FLOT1: variants seen among roughly 807,000 people sequenced by gnomAD.
FLOT1 encodes the protein flotillin 1.
Under a neutral mutation model 58.4 loss-of-function variants are expected in FLOT1, and 40 were observed. That is an observed-to-expected ratio of 0.69 (90% CI 0.53 to 0.89). The LOEUF (loss-of-function observed/expected upper bound fraction) is 0.89, where lower values mean the gene tolerates loss of function less well. Ranked by LOEUF, FLOT1 falls within the 40% of genes least tolerant of loss-of-function variation. The pLI is 0.00. For missense variants in FLOT1, 423 were observed against 540.8 expected (o/e 0.78, Z 2.16); for synonymous variants, 178 against 204.2 (o/e 0.87, Z 1.09).
intron 8 of FLOT1, among the ~76,000 whole-genome samples, 163 bp from the exon 9 acceptor site, chr6:30,731,263 T>C (rs1050362537): frequency 2.6e-5 from 4 of 152,038 alleles, no homozygotes; most frequent in Non-Finnish European, 5.9e-5. Flanking sequence ...GGAGGGTGGA[T>C]TGCCTGAGTT....
At chr6:30,732,667 G>A (rs1267541694) in intron 8 of FLOT1, among the ~76,000 whole-genome samples, 1 of 151,978 alleles carries the variant, frequency 6.6e-6, no homozygotes, top group Non-Finnish European at 1.5e-5. Context: ...ACATGCCTTC[G>A]TTGTCCCATT....
chr6:30,730,439 T>C lies in FLOT1; in HGVS notation c.1078A>G (p.Lys360Glu). The change falls in exon 11 of 13, where the codon AAG becomes GAG. Residue 360 changes from lysine to glutamate, a missense_variant. This residue lies in a region of FLOT1 where 42 missense variants were observed against 74.4 expected (regional missense o/e 0.56). Coordinates refer to ENST00000376389, the MANE Select transcript of FLOT1 (RefSeq NM_005803.4). ...CATGACCTCCAGACCTGGGGCAGCT[T>C]CTCTAGCAGCATGTCCAGCTGAGCA... is the stretch of plus-strand genomic sequence containing the variant. ...EAAQLDMLLE[K>E]LPQVAEEISG... 2 of 1,572,148 alleles carry C rather than the reference T, an allele frequency of 1.3e-6. No individual in the cohort carries two copies. The highest frequency in any genetic ancestry group is 1.7e-6 in the Non-Finnish European group (2 of 1,157,172).
At position 30,741,111 on chromosome 6, in the gene FLOT1, G is replaced by A; in HGVS notation, c.354+79C>T. The A allele has an allele frequency of 6.6e-7, 1 of 1,526,650 alleles. No individual in the cohort carries two copies. Among genetic ancestry groups the A allele is most frequent in the Non-Finnish European group, 9.0e-7 (1 of 1,110,418 alleles). The allele number at this position is 1,526,650 out of a possible 1,614,324, so 94.6% of individuals were successfully genotyped here. ...CGGGATGTATGCTCTTGGATCCACT[G>A]TCTCTCACAGACTAGTGTGGGCCTT... is the stretch of plus-strand genomic sequence containing the variant. On this transcript the variant is annotated intron_variant, in intron 5 of 12. Coordinates refer to ENST00000376389, the MANE Select transcript of FLOT1 (RefSeq NM_005803.4). This position sits in a 1 kb window ranked among gnomAD's most constrained non-coding sequence, Gnocchi z 5.9.
In FLOT1 at chr6:30,736,829, G is replaced by A. The variant is rs376330210; in HGVS notation, c.723+3329C>T. Among the ~76,000 whole-genome samples, 48 of 151,984 alleles carry A rather than the reference G, an allele frequency of 3.2e-4. No individual in the cohort carries two copies. In the East Asian group the frequency reaches 5.7e-3, roughly 18 times the overall value. On this transcript the variant is annotated intron_variant, in intron 8 of 12. Coordinates refer to ENST00000376389, the MANE Select transcript of FLOT1 (RefSeq NM_005803.4). ...AGGATGGTCTCGATCTCCTGACCTC[G>A]TGATCTGCCCACCTCGGCCTCCCAA...
Position 30,741,145 on chromosome 6 carries a change from C to CTCA in FLOT1, c.354+42_354+44dup. ...AGACTAGTGTGGGCCTTGGGCCCCC[C>CTCA]TCATTTTGACATCCTTCCAGATGGT... On this transcript the variant is annotated intron_variant, in intron 5 of 12. Coordinates refer to ENST00000376389, the MANE Select transcript of FLOT1 (RefSeq NM_005803.4). This position sits in a 1 kb window ranked among gnomAD's most constrained non-coding sequence, Gnocchi z 5.9. The CTCA allele has an allele frequency of 6.2e-7, 1 of 1,606,916 alleles. No individual in the cohort carries two copies. The highest frequency in any genetic ancestry group is 2.2e-5 in the East Asian group (1 of 44,844).
intron 8 of FLOT1, among the ~76,000 whole-genome samples, chr6:30,731,747 A>AT (rs1777221040): frequency 6.6e-6 from 1 of 152,112 alleles, no homozygotes; most frequent in South Asian, 2.1e-4. Context: ...TAGCTGACTT[A>AT]TTTTTTGTGG....
intron 12 of FLOT1, among the ~76,000 whole-genome samples, chr6:30,728,618 C>T (rs745674619): frequency 1.3e-5 from 2 of 151,072 alleles, no homozygotes; most frequent in Non-Finnish European, 3.0e-5. Flanking sequence ...TACAGGTATG[C>T]GCCACCATAC....
chr6:30,731,538 G>A (rs921565788), intron 8 of FLOT1, among the ~76,000 whole-genome samples: 2 of 149,134 alleles, frequency 1.3e-5, no homozygotes. Flanking sequence ...GTTCCCTCCT[G>A]TCTGCTTGGC....
Position 30,741,767 on chromosome 6 carries a change from CT to C in FLOT1, c.119+24del. The stretch of plus-strand genomic sequence containing the variant: ...GGAAAAAGAGAAAACGGAGGTCCCC[CT>C]TCCCTGGTTCCCTTCTTGCCTACCT... On this transcript the variant is annotated intron_variant, in intron 3 of 12. Transcript: ENST00000376389. The surrounding 1 kb of genome is among the most constrained non-coding windows in gnomAD (Gnocchi z 5.9). The C allele has an allele frequency of 6.2e-7, 1 of 1,612,190 alleles. No homozygotes were observed. The highest frequency in any genetic ancestry group is 1.3e-5 in the African/African-American group (1 of 75,038).
rs1049973280 is a variant in FLOT1 at position 30,731,227 on chromosome 6, G to A, written c.724-127C>T. ...TGGCCGGGCGCGGTGGCTCACGCCT[G>A]TAATCCTAGCGCTTTGGGAGGCCAA... is the stretch of plus-strand genomic sequence containing the variant. On this transcript the variant is annotated intron_variant, in intron 8 of 12. Coordinates refer to ENST00000376389, the MANE Select transcript of FLOT1 (RefSeq NM_005803.4). 4.4e-6 allele frequency: 4 copies of A among 913,474 alleles called. No homozygotes were observed. In the African/African-American group the frequency reaches 6.7e-5, roughly 15 times the overall value. The allele number at this position is 913,474 out of a possible 1,614,324, so 56.6% of individuals were successfully genotyped here.
At position 30,741,616 on chromosome 6, in the gene FLOT1, G is replaced by C; in HGVS notation, c.208C>G (p.Gln70Glu). Residue 70 changes from glutamine (Q) to glutamate (E), a missense_variant and splice_region_variant, in exon 4 of 13, where the codon CAG becomes GAG. Coordinates refer to ENST00000376389, the MANE Select transcript of FLOT1 (RefSeq NM_005803.4). The surrounding 1 kb of genome is among the most constrained non-coding windows in gnomAD (Gnocchi z 5.9). ...GVPISVTGIA[Q>E]VKIQGQNKEM... ...GGAAAAGGCTCTGAAAGCTTCACCT[G>C]GGCAATGCCAGTGACTGAGATGGGG... 4.4e-6 allele frequency: 7 copies of C among 1,609,036 alleles called. No individual in the cohort carries two copies. Among genetic ancestry groups the C allele is most frequent in the Non-Finnish European group, 5.9e-6 (7 of 1,176,622 alleles).
At chr6:30,730,768 C>T (rs1350472017) in intron 9 of FLOT1, 41 bp from the exon 10 acceptor site, 1 of 1,612,368 alleles carries the variant, frequency 6.2e-7, no homozygotes, top group African/African-American at 1.3e-5. Context: ...CCCAGCAGCC[C>T]TTACTCCCAG....
At position 30,741,882 on chromosome 6, in the gene FLOT1, G is replaced by T; in HGVS notation, c.44-15C>A. 6.2e-7 allele frequency: 1 copy of T among 1,610,904 alleles called. No individual in the cohort carries two copies. Among genetic ancestry groups the T allele is most frequent in the Non-Finnish European group, 8.5e-7 (1 of 1,178,976 alleles). The stretch of plus-strand genomic sequence containing the variant: ...TCGGCAGAACCCTGCAAGGTGTGGG[G>T]CAGTGAGGAACGGTGGCAGAGCTTG... On this transcript the variant is annotated splice_polypyrimidine_tract_variant and intron_variant, in intron 2 of 12. Transcript: ENST00000376389. This position sits in a 1 kb window ranked among gnomAD's most constrained non-coding sequence, Gnocchi z 5.9.
rs1777869023 is a variant in FLOT1 at position 30,740,206 on chromosome 6, G to A, written c.675C>T (p.Ile225=). 4.3e-6 allele frequency: 7 copies of A among 1,612,894 alleles called. No homozygotes were observed. Among genetic ancestry groups the A allele is most frequent in the Middle Eastern group, 1.6e-4 (1 of 6,084 alleles). ...DYELKKAAYD[I]EVNTRRAQAD... is the part of the protein sequence containing the mutation. ...CCTGTGCTCGGCGGGTGTTGACCTCGATGTCATAGGCGGCCTTCTTCAGTT... is the reference window on the plus strand; with the variant it reads ...CCTGTGCTCGGCGGGTGTTGACCTCAATGTCATAGGCGGCCTTCTTCAGTT... Residue 225 remains isoleucine, a synonymous_variant, in exon 8 of 13, where the codon ATC becomes ATT. Transcript: ENST00000376389.
chr6:30,737,754 C>A lies in FLOT1; in HGVS notation c.723+2404G>T, dbSNP rs1777699237. Among the ~76,000 whole-genome samples, 1 of 152,144 alleles carries A rather than the reference C, an allele frequency of 6.6e-6. No homozygotes were observed. Among genetic ancestry groups the A allele is most frequent in the Non-Finnish European group, 1.5e-5 (1 of 68,024 alleles). On this transcript the variant is annotated intron_variant, in intron 8 of 12. Coordinates refer to ENST00000376389, the MANE Select transcript of FLOT1 (RefSeq NM_005803.4). This position sits in a 1 kb window ranked among gnomAD's most constrained non-coding sequence, Gnocchi z 4.4. Reference sequence around the variant, plus strand: ...CACCCTGTTTATTTCCTTCACAGCACCTAAACAAGAATTATAGCCTGGGAA... The same window carrying A: ...CACCCTGTTTATTTCCTTCACAGCAACTAAACAAGAATTATAGCCTGGGAA...
At position 30,741,368 on chromosome 6, in the gene FLOT1, G is replaced by A. The variant is rs967893127; in HGVS notation, c.211-35C>T. ...GAGTAGGGGTAGGAAAGGTGTGGTG[G>A]GGGTCTCATGAAGTCAGAGAAAAAG... On this transcript the variant is annotated intron_variant, in intron 4 of 12. Transcript: ENST00000376389. The surrounding 1 kb of genome is among the most constrained non-coding windows in gnomAD (Gnocchi z 5.9). 6.2e-7 allele frequency: 1 copy of A among 1,612,348 alleles called. No homozygotes were observed. Among genetic ancestry groups the A allele is most frequent in the Admixed American group, 1.7e-5 (1 of 60,022 alleles).
In FLOT1 at chr6:30,742,178, A is replaced by G. The variant is rs1263828632; in HGVS notation, c.12T>C (p.Thr4=). The G allele has an allele frequency of 5.6e-6, 9 of 1,612,882 alleles. No individual in the cohort carries two copies. Among genetic ancestry groups the G allele is most frequent in the South Asian group, 2.2e-5 (2 of 91,094 alleles). Residue 4 remains threonine, a synonymous_variant, in exon 2 of 13, where the codon ACT becomes ACC. Transcript: ENST00000376389. This position sits in a 1 kb window ranked among gnomAD's most constrained non-coding sequence, Gnocchi z 5.2. MFF[T]CGPNEAMVVS... is the part of the protein sequence containing the mutation. The stretch of plus-strand genomic sequence containing the variant: ...CCACCATGGCCTCATTTGGGCCACA[A>G]GTGAAAAACATGGTTCAGGCTGGAG...
At position 30,728,233 on chromosome 6, in the gene FLOT1, G is replaced by T. The variant is rs773334049; in HGVS notation, c.1255-88C>A. 210 of 1,098,148 alleles carry T rather than the reference G, an allele frequency of 1.9e-4. 3 individuals are homozygous for T. Among genetic ancestry groups the T allele is most frequent in the Non-Finnish European group, 7.5e-5 (54 of 716,640 alleles). The allele number at this position is 1,098,148 out of a possible 1,614,324, so 68.0% of individuals were successfully genotyped here. ...CCCGGGCCCCAGTTTAGACGAATGG[G>T]CTATAGGCAGAACACACACGGCCAG... On this transcript the variant is annotated intron_variant, in intron 12 of 12. Transcript: ENST00000376389.
chr6:30,741,189 C>A lies in FLOT1; in HGVS notation c.354+1G>T. 1 of 1,612,994 alleles carries A rather than the reference C, an allele frequency of 6.2e-7. No homozygotes were observed. The highest frequency in any genetic ancestry group is 8.5e-7 in the Non-Finnish European group (1 of 1,180,028). On this transcript the variant is annotated splice_donor_variant, in intron 5 of 12. Transcript: ENST00000376389. LOFTEE classifies it high-confidence loss of function. The surrounding 1 kb of genome is among the most constrained non-coding windows in gnomAD (Gnocchi z 5.9). ...AGATGGTTCCCTGCCCCTAGGCCAA[C>A]CTCCACAGTCATGTGGGCCATGATG...
Sources: allele counts gnomAD v4.1 joint callset (sites outside exome capture counted in the v4.1 genomes callset), GRCh38; gene constraint gnomAD v4.1.1; regional missense constraint gnomAD v4.1.1; non-coding constraint Gnocchi (gnomAD v3.1); transcripts MANE v1.5; gene names NCBI Gene and HGNC (gene_info 2026-07-23, HGNC 2026-07-21).